The following SGCZ variants were observed in gnomAD, a reference collection of about 807,000 sequenced individuals.
SGCZ encodes the protein sarcoglycan zeta, also known as zeta-sarcoglycan.
A neutral mutation model predicts 41.3 loss-of-function variants in SGCZ; 40 were observed. The ratio of observed to expected loss-of-function variants is 0.97; its 90% CI spans 0.75 to 1.26. SGCZ has a LOEUF of 1.26. SGCZ is among the 50% of genes most tolerant of loss of function. SGCZ has a pLI of 0.00. For synonymous variants in SGCZ, 206 were observed against 137.5 expected, an observed-to-expected ratio of 1.50 and a Z score of -3.49; for missense variants, 552 against 369.8, an observed-to-expected ratio of 1.49 and a Z score of -4.04.
Position 14,673,501 on chromosome 8 carries a change from T to C in SGCZ, c.40-118575A>G, listed in dbSNP as rs555005456. Among the ~76,000 whole-genome samples, 214 of 152,188 alleles carry C rather than the reference T, an allele frequency of 1.4e-3. 3 individuals carry two copies. Among genetic ancestry groups the C allele is most frequent in the African/African-American group, 5.0e-3 (206 of 41,534 alleles). On this transcript the variant is annotated intron_variant, in intron 1 of 7. Coordinates refer to ENST00000382080, the MANE Select transcript of SGCZ (RefSeq NM_139167.4). Reference sequence around the variant, plus strand: ...CTCTCCTGCCATCTTCTGAAGTAGGTGCCTGCTTCCCCTTTGCCTTCGCCA... The same window carrying C: ...CTCTCCTGCCATCTTCTGAAGTAGGCGCCTGCTTCCCCTTTGCCTTCGCCA...
intron 5 of SGCZ, among the ~76,000 whole-genome samples, chr8:14,164,254 T>C (rs927862762): frequency 1.3e-5 from 2 of 152,268 alleles, no homozygotes; most frequent in African/African-American, 4.8e-5. Flanking sequence ...TATTTTAAAA[T>C]AATACTCCCA....
intron 2 of SGCZ, among the ~76,000 whole-genome samples, chr8:14,369,351 T>C (rs569969312): frequency 2.6e-5 from 4 of 152,066 alleles, no homozygotes; most frequent in Admixed American, 1.3e-4. Flanking sequence ...AGCTATTTTG[T>C]AGAACAGTCC....
At chr8:14,210,822 G>A (rs1159425943) in intron 4 of SGCZ, among the ~76,000 whole-genome samples, 2 of 152,154 alleles carry the variant, frequency 1.3e-5, no homozygotes, top group African/African-American at 2.4e-5. Flanking sequence ...ATTTGCCAAA[G>A]ATTGTTCTTT....
intron 1 of SGCZ, among the ~76,000 whole-genome samples, chr8:14,634,743 C>A (rs1806773011): frequency 6.6e-6 from 1 of 151,686 alleles, no homozygotes; most frequent in Admixed American, 6.6e-5. Context: ...ATAAACTTTT[C>A]CTGACTTTTC....
chr8:14,931,953 G>C (rs1030099733), intron 1 of SGCZ, among the ~76,000 whole-genome samples: 4 of 151,876 alleles, frequency 2.6e-5, no homozygotes, highest in African/African-American at 4.8e-5. Context: ...TCTTCATGGA[G>C]ACAGCTCGCA....
chr8:14,124,997 C>T (rs74766747), intron 5 of SGCZ, among the ~76,000 whole-genome samples: 12 of 152,144 alleles, frequency 7.9e-5, no homozygotes, highest in African/African-American at 2.9e-4. Flanking sequence ...TATACACGAA[C>T]AAAAGACAAG....
intron 2 of SGCZ, among the ~76,000 whole-genome samples, chr8:14,432,678 C>CT (rs573896035): frequency 1.4e-4 from 21 of 152,252 alleles, no homozygotes; most frequent in African/African-American, 5.1e-4. Flanking sequence ...CTTTGGGAGG[C>CT]TGAGGCGGGC....
intron 2 of SGCZ, among the ~76,000 whole-genome samples, chr8:14,538,110 G>A (rs565991602): frequency 6.6e-6 from 1 of 151,766 alleles, no homozygotes; most frequent in Non-Finnish European, 1.5e-5. Context: ...TGTTCTATCT[G>A]GTGCATATTT....
At chr8:14,832,575 G>A (rs1802569195) in intron 1 of SGCZ, among the ~76,000 whole-genome samples, 1 of 152,104 alleles carries the variant, frequency 6.6e-6, no homozygotes, top group Admixed American at 6.6e-5. Flanking sequence ...CATATACTTT[G>A]TAGAATTTAA....
chr8:14,179,046 G>A (rs1804638827), intron 4 of SGCZ, among the ~76,000 whole-genome samples: 1 of 152,168 alleles, frequency 6.6e-6, no homozygotes, highest in Non-Finnish European at 1.5e-5. Context: ...AAAGGAGATG[G>A]ATGCTTGTAC....
At chr8:15,205,039 T>C (rs1028492851) in intron 1 of SGCZ, among the ~76,000 whole-genome samples, 2 of 152,142 alleles carry the variant, frequency 1.3e-5, no homozygotes, top group East Asian at 1.9e-4. Flanking sequence ...GAAAATTCAA[T>C]TCTAAAAAAA....
At chr8:14,288,728 G>C (rs1478272547) in intron 3 of SGCZ, among the ~76,000 whole-genome samples, 2 of 152,046 alleles carry the variant, frequency 1.3e-5, no homozygotes, top group African/African-American at 4.8e-5. Context: ...AATGTAAATA[G>C]TACTGTTATG....
At chr8:15,143,207 C>T (rs1481149255) in intron 1 of SGCZ, among the ~76,000 whole-genome samples, 1 of 152,152 alleles carries the variant, frequency 6.6e-6, no homozygotes, top group East Asian at 1.9e-4. Flanking sequence ...TTGTCTGCTA[C>T]AAACATAATA....
intron 1 of SGCZ, among the ~76,000 whole-genome samples, chr8:14,629,086 T>C (rs1385844557): frequency 1.3e-5 from 2 of 152,156 alleles, no homozygotes; most frequent in East Asian, 1.9e-4. Context: ...AAAAATTTAA[T>C]CTATCAGTAA....
intron 2 of SGCZ, among the ~76,000 whole-genome samples, chr8:14,478,083 T>A (rs979393298): frequency 6.6e-6 from 1 of 152,240 alleles, no homozygotes; most frequent in African/African-American, 2.4e-5. Flanking sequence ...ATGTGCATCC[T>A]CATTCACTGC....
chr8:15,215,443 G>T (rs955579155), intron 1 of SGCZ, among the ~76,000 whole-genome samples: 1 of 152,004 alleles, frequency 6.6e-6, no homozygotes, highest in African/African-American at 2.4e-5. Flanking sequence ...TACTTCCTTC[G>T]GGGAAGTCTC....
At chr8:14,531,403 A>C (rs148792846) in intron 2 of SGCZ, among the ~76,000 whole-genome samples, 2 of 151,648 alleles carry the variant, frequency 1.3e-5, no homozygotes, top group East Asian at 3.9e-4. Context: ...ATTGAAACTC[A>C]CTGAACTGCG....
chr8:15,188,175 T>C (rs548673337), intron 1 of SGCZ, among the ~76,000 whole-genome samples: 22 of 152,162 alleles, frequency 1.4e-4, no homozygotes, highest in South Asian at 4.1e-4. Context: ...AGTTCATTCA[T>C]TGGAGTATTG....
intron 4 of SGCZ, among the ~76,000 whole-genome samples, chr8:14,222,392 G>A (rs1040946146): frequency 5.3e-5 from 8 of 151,786 alleles, no homozygotes; most frequent in South Asian, 2.1e-4. Context: ...CTGGTCTTGA[G>A]CTCCTGACCT....
Sources: allele counts gnomAD v4.1 joint callset (sites outside exome capture counted in the v4.1 genomes callset), GRCh38; gene constraint gnomAD v4.1.1; transcripts MANE v1.5; gene names NCBI Gene and HGNC (gene_info 2026-07-23, HGNC 2026-07-21).